The following PDE3A variants were observed in gnomAD, a reference collection of about 807,000 sequenced individuals.
PDE3A encodes the protein cGMP-inhibited 3',5'-cyclic phosphodiesterase 3A.
In PDE3A, 43 loss-of-function variants were observed where a neutral mutation model predicts 98.3. That is an observed-to-expected ratio of 0.44 (90% CI 0.34 to 0.56). The LOEUF is 0.56. PDE3A is among the 20% of genes least tolerant of loss of function. PDE3A has a pLI of 0.01. For synonymous variants in PDE3A, 663 were observed against 567.9 expected (o/e 1.17, Z -2.38); for missense variants, 1,427 against 1,440.7 (o/e 0.99, Z 0.15).
intron 1 of PDE3A, among the ~76,000 whole-genome samples, chr12:20,376,837 A>G (rs1262620515): frequency 6.6e-6 from 1 of 151,826 alleles, no homozygotes; most frequent in Non-Finnish European, 1.5e-5. Context: ...GAACATTACC[A>G]TTTCGAAGAT....
chr12:20,659,192 C>A (rs933906339), intron 15 of PDE3A, among the ~76,000 whole-genome samples: 1 of 152,018 alleles, frequency 6.6e-6, no homozygotes, highest in Non-Finnish European at 1.5e-5. Context: ...TGCCTGTGTT[C>A]ATTTCCCTCA....
chr12:20,624,437 T>G (rs4309199), intron 5 of PDE3A, among the ~76,000 whole-genome samples: 55,802 of 151,932 alleles, frequency 0.37, 10,364 homozygotes, highest in Admixed American at 0.43. Flanking sequence ...TTGTATGACT[T>G]CACTCTAGAA....
Position 20,635,048 on chromosome 12 carries a change from A to G in PDE3A, c.1993A>G (p.Met665Val), listed in dbSNP as rs1364749427. 4 of 1,611,814 alleles carry G rather than the reference A, an allele frequency of 2.5e-6. No homozygotes were observed. Among genetic ancestry groups the G allele is most frequent in the East Asian group, 2.2e-5 (1 of 44,814 alleles). ...ACSTYAPETM[M>V]FLDKPILAPE... ...CAGCACCTATGCTCCTGAGACCATG[A>G]TGTTTCTGGTAGTCCCATATCACTT... The change falls in exon 8 of 16, where the codon ATG becomes GTG. Residue 665 changes from methionine (M) to valine (V), a missense_variant. Coordinates refer to ENST00000359062, the MANE Select transcript of PDE3A (RefSeq NM_000921.5).
At chr12:20,603,903 G>A (rs2121418375) in intron 2 of PDE3A, among the ~76,000 whole-genome samples, 1 of 152,280 alleles carries the variant, frequency 6.6e-6, no homozygotes, top group South Asian at 2.1e-4. Flanking sequence ...AGGCATGGTG[G>A]CTCACGCCTG....
At chr12:20,670,290 G>A (rs1470724746) in intron 15 of PDE3A, among the ~76,000 whole-genome samples, 21 of 146,900 alleles carry the variant, frequency 1.4e-4, no homozygotes, top group Admixed American at 6.1e-4. Flanking sequence ...ACAGATCAAC[G>A]AGACAGAAAG....
At chr12:20,534,569 A>G (rs1941705803) in intron 1 of PDE3A, among the ~76,000 whole-genome samples, 1 of 152,196 alleles carries the variant, frequency 6.6e-6, no homozygotes, top group African/African-American at 2.4e-5. Context: ...GAGTGAGACA[A>G]ACCTTCACAC....
chr12:20,449,596 G>A (rs1230141541), intron 1 of PDE3A: 2 of 352,728 alleles, frequency 5.7e-6, no homozygotes, highest in Non-Finnish European at 1.1e-5. Flanking sequence ...GCACTGCACG[G>A]GGTCTCTGCT....
intron 2 of PDE3A, among the ~76,000 whole-genome samples, chr12:20,592,711 T>C (rs1943369626): frequency 6.6e-6 from 1 of 152,156 alleles, no homozygotes; most frequent in Admixed American, 6.5e-5. Flanking sequence ...CATGGGGATC[T>C]GTGTTTGCCT....
chr12:20,416,018 C>T (rs931902457), intron 1 of PDE3A, among the ~76,000 whole-genome samples: 2 of 152,160 alleles, frequency 1.3e-5, no homozygotes, highest in South Asian at 2.1e-4. Flanking sequence ...CTGAAGACGT[C>T]GTTTTGGTAG....
At chr12:20,504,972 T>C (rs910111081) in intron 1 of PDE3A, among the ~76,000 whole-genome samples, 2 of 152,132 alleles carry the variant, frequency 1.3e-5, no homozygotes, top group African/African-American at 4.8e-5. Flanking sequence ...CCAGGCACTC[T>C]GAGTGTATGC....
At chr12:20,642,834 GA>G (rs200947774) in intron 10 of PDE3A, among the ~76,000 whole-genome samples, 69 of 151,136 alleles carry the variant, frequency 4.6e-4, no homozygotes, top group Middle Eastern at 3.4e-3. Flanking sequence ...TATTCCAAAA[GA>G]AAAAAAAATA....
chr12:20,422,085 G>T (rs60323098), intron 1 of PDE3A, among the ~76,000 whole-genome samples: 7 of 152,274 alleles, frequency 4.6e-5, no homozygotes, highest in African/African-American at 9.6e-5. Context: ...AATGGCTCAC[G>T]CCTGTAATCC....
intron 10 of PDE3A, among the ~76,000 whole-genome samples, chr12:20,646,000 T>G (rs1397424423): frequency 6.6e-6 from 1 of 152,200 alleles, no homozygotes; most frequent in Non-Finnish European, 1.5e-5. Context: ...GATATGTTAT[T>G]GCAGTGCTTT....
chr12:20,638,235 A>G (rs916028179), intron 9 of PDE3A, among the ~76,000 whole-genome samples: 18 of 152,156 alleles, frequency 1.2e-4, no homozygotes, highest in African/African-American at 4.1e-4. Flanking sequence ...TTGGGGTGAG[A>G]ATCCTAATCT....
At chr12:20,622,380 T>C (rs887460837) in intron 5 of PDE3A, among the ~76,000 whole-genome samples, 1 of 152,182 alleles carries the variant, frequency 6.6e-6, no homozygotes, top group South Asian at 2.1e-4. Flanking sequence ...CTCACCTTTC[T>C]GAGGTTCTCT....
chr12:20,584,326 C>T (rs558725659), intron 2 of PDE3A, among the ~76,000 whole-genome samples: 1 of 152,242 alleles, frequency 6.6e-6, no homozygotes, highest in African/African-American at 2.4e-5. Flanking sequence ...CCAGGGCATT[C>T]CAACAAGCAG....
chr12:20,644,453 T>C (rs1490275028), intron 10 of PDE3A, among the ~76,000 whole-genome samples: 1 of 152,164 alleles, frequency 6.6e-6, no homozygotes, highest in Non-Finnish European at 1.5e-5. Flanking sequence ...AATAAGACTT[T>C]TTACTCTGTC....
At chr12:20,666,669 C>A (rs1035419058) in intron 15 of PDE3A, among the ~76,000 whole-genome samples, 1 of 152,038 alleles carries the variant, frequency 6.6e-6, no homozygotes, top group African/African-American at 2.4e-5. Context: ...TTTCTTTATC[C>A]ATTCATCAGT....
rs571660194 is a variant in PDE3A at position 20,616,394 on chromosome 12, G to A, written c.1424+10G>A. The A allele has an allele frequency of 2.8e-5, 45 of 1,611,012 alleles. No individual in the cohort carries two copies. Among genetic ancestry groups the A allele is most frequent in the East Asian group, 1.6e-4 (7 of 44,784 alleles). ...AAGCACCTTCATCCAGGTGGCATAC[G>A]GCTCCTGCTGGTTTAATGTCTCTTA... On this transcript the variant is annotated intron_variant, in intron 4 of 15. Coordinates refer to ENST00000359062, the MANE Select transcript of PDE3A (RefSeq NM_000921.5).
Sources: gnomAD v4.1 joint callset for allele counts (sites outside exome capture counted in the v4.1 genomes callset) on GRCh38, gnomAD v4.1.1 for gene constraint, MANE v1.5 for transcripts, NCBI Gene and HGNC (gene_info 2026-07-23, HGNC 2026-07-21) for gene names.